Variants in PCDHGA3 observed in about 807,000 individuals in gnomAD.
PCDHGA3 encodes the protein protocadherin gamma subfamily A, 3.
A neutral mutation model predicts 58.5 loss-of-function variants in PCDHGA3; 40 were observed. The observed-to-expected ratio is 0.68, with a 90% CI of 0.53 to 0.89. The LOEUF (loss-of-function observed/expected upper bound fraction) is 0.89. PCDHGA3 is among the 40% of genes least tolerant of loss of function. PCDHGA3 has a pLI of 0.00. For synonymous variants in PCDHGA3, 530 were observed against 525.7 expected, an observed-to-expected ratio of 1.01 and a Z score of -0.11; for missense variants, 1,223 against 1,195.9, an observed-to-expected ratio of 1.02 and a Z score of -0.33.
At chr5:141,374,646 G>C in intron 1 of PCDHGA3, 4 of 1,612,728 alleles carry the variant, frequency 2.5e-6, no homozygotes, top group Non-Finnish European at 3.4e-6. Flanking sequence ...GAAGCCCATG[G>C]GCCCAAGTAC....
At chr5:141,378,814 T>C (rs915920148) in intron 1 of PCDHGA3, 6 of 152,232 alleles carry the variant, frequency 3.9e-5, no homozygotes, top group Non-Finnish European at 8.8e-5. Flanking sequence ...AACAGAATCA[T>C]TGTTTCATGA....
Position 141,371,960 on chromosome 5 carries a change from C to A in PCDHGA3, c.2424+25503C>A, listed in dbSNP as rs771450244. On this transcript the variant is annotated intron_variant, in intron 1 of 3. Transcript: ENST00000253812. ...TGTTCGCGCAGCGAGCCTTCGACCACGAGCAGCTGCGTGCCTTCGAGCTCA... is the reference window on the plus strand; with the variant it reads ...TGTTCGCGCAGCGAGCCTTCGACCAAGAGCAGCTGCGTGCCTTCGAGCTCA... 1.9e-6 allele frequency: 3 copies of A among 1,613,142 alleles called. No homozygotes were observed. The African/African-American group carries it at 4.0e-5, about 22-fold the overall frequency.
chr5:141,449,095 T>C (rs2098628347), intron 1 of PCDHGA3, among the ~76,000 whole-genome samples: 1 of 152,204 alleles, frequency 6.6e-6, no homozygotes. Flanking sequence ...AGTTTTTACA[T>C]ATGCAGTATA....
At chr5:141,458,662 C>T (rs948275548) in intron 1 of PCDHGA3, among the ~76,000 whole-genome samples, 3 of 152,064 alleles carry the variant, frequency 2.0e-5, no homozygotes, top group East Asian at 1.9e-4. Flanking sequence ...CTCCACCTCT[C>T]GGGTTCAAGC....
chr5:141,488,193 T>C (rs1211647195), intron 1 of PCDHGA3, among the ~76,000 whole-genome samples: 1 of 152,122 alleles, frequency 6.6e-6, no homozygotes, highest in Non-Finnish European at 1.5e-5. Flanking sequence ...TTGGTCTGGG[T>C]CTTAGGACTC....
chr5:141,433,067 T>C, intron 1 of PCDHGA3: 3 of 1,614,144 alleles, frequency 1.9e-6, no homozygotes, highest in Non-Finnish European at 2.5e-6. Context: ...TCACCTGATC[T>C]TCCCCCAGCC....
intron 1 of PCDHGA3, chr5:141,471,166 C>T (rs1427053969): frequency 2.0e-5 from 3 of 150,492 alleles, no homozygotes; most frequent in Non-Finnish European, 2.9e-5. Context: ...TCTCCTGGCT[C>T]AGCCTCCCTA....
chr5:141,372,639 C>A (rs760209074), intron 1 of PCDHGA3: 1 of 1,613,842 alleles, frequency 6.2e-7, no homozygotes, highest in Non-Finnish European at 8.5e-7. Flanking sequence ...AAGGACTTTG[C>A]CTTATTCCTA....
intron 1 of PCDHGA3, chr5:141,361,955 A>G (rs1762251619): frequency 6.2e-6 from 10 of 1,602,992 alleles, no homozygotes; most frequent in Non-Finnish European, 6.8e-6. Flanking sequence ...CTGTCCTACC[A>G]CGTGCTGCAG....
intron 1 of PCDHGA3, chr5:141,378,618 ATGAC>A (rs1399279904): frequency 2.6e-5 from 4 of 152,254 alleles, no homozygotes; most frequent in African/African-American, 7.2e-5. Context: ...CTAAAAATAG[ATGAC>A]TGACTGGTGA....
chr5:141,365,956 T>C (rs757991507), intron 1 of PCDHGA3: 1 of 1,614,208 alleles, frequency 6.2e-7, no homozygotes, highest in South Asian at 1.1e-5. Flanking sequence ...ACCCTCCACT[T>C]AGCAGCAACG....
At chr5:141,428,245 C>A in intron 1 of PCDHGA3, 1 of 948,140 alleles carries the variant, frequency 1.1e-6, no homozygotes, top group South Asian at 1.4e-5. Flanking sequence ...GGAGGCACTG[C>A]CAGACTTCAG....
Position 141,431,041 on chromosome 5 carries a change from G to C in PCDHGA3, c.2425-63766G>C, listed in dbSNP as rs2097339173. On this transcript the variant is annotated intron_variant, in intron 1 of 3. Coordinates refer to ENST00000253812, the MANE Select transcript of PCDHGA3 (RefSeq NM_018916.4). The surrounding 1 kb of genome is among the most constrained non-coding windows in gnomAD (Gnocchi z 4.8). ...CGGCGGGCAGGATAGACCGGGAGGA[G>C]CTCTGTATGGGGGCCATCAAGTGTC... The C allele has an allele frequency of 6.2e-7, 1 of 1,614,116 alleles. No homozygotes were observed. Among genetic ancestry groups the C allele is most frequent in the Non-Finnish European group, 8.5e-7 (1 of 1,180,046 alleles).
chr5:141,458,549 T>A (rs2098948402), intron 1 of PCDHGA3, among the ~76,000 whole-genome samples: 1 of 148,072 alleles, frequency 6.8e-6, no homozygotes, highest in African/African-American at 2.6e-5. Flanking sequence ...ATTTTGTTTG[T>A]TTGTTTTGGT....
At chr5:141,382,796 G>T (rs1271325084) in intron 1 of PCDHGA3, 1 of 990,558 alleles carries the variant, frequency 1.0e-6, no homozygotes, top group Non-Finnish European at 1.5e-6. Context: ...CTATCCTGCT[G>T]GATTCTGAGC....
At chr5:141,413,677 G>C (rs539552615) in intron 1 of PCDHGA3, 1 of 1,613,794 alleles carries the variant, frequency 6.2e-7, no homozygotes, top group South Asian at 1.1e-5. Context: ...GGATGTGGGC[G>C]TGAACTCCCT....
At chr5:141,354,320 C>G (rs1264680907) in intron 1 of PCDHGA3, among the ~76,000 whole-genome samples, 1 of 152,172 alleles carries the variant, frequency 6.6e-6, no homozygotes, top group African/African-American at 2.4e-5. Flanking sequence ...AATTACTACT[C>G]TATGAAAGGT....
At chr5:141,386,155 C>T (rs763846568) in intron 1 of PCDHGA3, among the ~76,000 whole-genome samples, 3 of 152,278 alleles carry the variant, frequency 2.0e-5, no homozygotes, top group South Asian at 2.1e-4. Flanking sequence ...AACTGTCTCA[C>T]GTACTCAAAC....
intron 1 of PCDHGA3, chr5:141,376,103 G>T (rs1035502137): frequency 3.1e-6 from 5 of 1,613,624 alleles, no homozygotes; most frequent in African/African-American, 2.7e-5. Context: ...CATCCTGGCC[G>T]ACCTGGGCAG....
Sources: allele counts gnomAD v4.1 joint callset (sites outside exome capture counted in the v4.1 genomes callset), GRCh38; gene constraint gnomAD v4.1.1; non-coding constraint Gnocchi (gnomAD v3.1); transcripts MANE v1.5; gene names NCBI Gene and HGNC (gene_info 2026-07-23, HGNC 2026-07-21).